The following PHETA1 variants were observed in gnomAD, a reference collection of about 807,000 sequenced individuals.
PHETA1 encodes sesquipedalian-1.
For missense variants in PHETA1, 348 were observed against 373.5 expected (o/e 0.93, Z 0.56); for synonymous variants, 155 against 168.9 (o/e 0.92, Z 0.64).
At chr12:111,364,876 C>T (rs7399251) in intron 2 of PHETA1, among the ~76,000 whole-genome samples, 43,599 of 151,864 alleles carry the variant, frequency 0.29, 7,621 homozygotes, top group East Asian at 0.81. Flanking sequence ...TGCAGTCAGC[C>T]GAGATTGCAC....
At chr12:111,365,591 G>C in intron 2 of PHETA1, 1 of 455,028 alleles carries the variant, frequency 2.2e-6, no homozygotes, top group Non-Finnish European at 4.4e-6. Context: ...CCATAAAAAG[G>C]AATGAGATCA....
Position 111,367,935 on chromosome 12 carries a change from G to A in PHETA1, c.-182+977C>T, listed in dbSNP as rs902849975. 6.6e-6 allele frequency among the ~76,000 whole-genome samples: 1 copy of A among 152,252 alleles called. No homozygotes were observed. The highest frequency in any genetic ancestry group is 2.4e-5 in the African/African-American group (1 of 41,472). ...CTCCCAAGGCAAAGTTCCTGCCTCC[G>A]CAGGTCCAGGCTGGAGGACCTTGGA... On this transcript the variant is annotated intron_variant, in intron 1 of 2. Transcript: ENST00000683047. The surrounding 1 kb of genome is among the most constrained non-coding windows in gnomAD (Gnocchi z 4.0).
Position 111,363,180 on chromosome 12 carries a change from A to T in PHETA1, c.248T>A (p.Phe83Tyr). Residue 83 changes from phenylalanine to tyrosine, a missense_variant, in exon 3 of 3, where the codon TTT becomes TAT. Coordinates refer to ENST00000683047, the MANE Select transcript of PHETA1 (RefSeq NM_144671.6). This position sits in a 1 kb window ranked among gnomAD's most constrained non-coding sequence, Gnocchi z 7.4. ...AAEEFAFAVR[F>Y]AGTRARTYVL... ...GTAGGTGCGCGCCCGGGTCCCCGCA[A>T]AGCGCACAGCGAAGGCGAACTCCTC... is the stretch of plus-strand genomic sequence containing the variant. 1.2e-6 allele frequency: 2 copies of T among 1,612,674 alleles called. No individual in the cohort carries two copies. The highest frequency in any genetic ancestry group is 1.7e-6 in the Non-Finnish European group (2 of 1,179,844).
Position 111,362,798 on chromosome 12 carries a change from G to C in PHETA1, c.630C>G (p.Arg210=), listed in dbSNP as rs1486352083. 1.3e-6 allele frequency: 2 copies of C among 1,539,018 alleles called. No homozygotes were observed. Among genetic ancestry groups the C allele is most frequent in the African/African-American group, 1.4e-5 (1 of 72,964 alleles). ...GPEPPPPPPR[R]RASAPHGPLD... ...GGGGCCCGTGGGGTGCCGAGGCCCG[G>C]CGGCGAGGCGGTGGTGGAGGGGGCT... is the stretch of plus-strand genomic sequence containing the variant. Residue 210 remains arginine, a synonymous_variant, in exon 3 of 3, where the codon CGC becomes CGG. Coordinates refer to ENST00000683047, the MANE Select transcript of PHETA1 (RefSeq NM_144671.6).
At chr12:111,364,441 G>C (rs948969023) in intron 2 of PHETA1, among the ~76,000 whole-genome samples, 1 of 152,008 alleles carries the variant, frequency 6.6e-6, no homozygotes, top group African/African-American at 2.4e-5. Flanking sequence ...AAACAGATAA[G>C]ACGTCTGCCA....
chr12:111,365,746 A>C, intron 2 of PHETA1: 1 of 249,976 alleles, frequency 4.0e-6, no homozygotes, highest in South Asian at 3.3e-5. Flanking sequence ...GGCAGAACAC[A>C]TATCGGGGCC....
In PHETA1 at chr12:111,363,327, T is replaced by C; in HGVS notation, c.101A>G (p.Tyr34Cys). 17 of 1,613,096 alleles carry C rather than the reference T, an allele frequency of 1.1e-5. No individual in the cohort carries two copies. Among genetic ancestry groups the C allele is most frequent in the Non-Finnish European group, 1.4e-5 (17 of 1,179,958 alleles). ...LYKKGGRHAAYHRRWFVLRGN... is the reference protein window; with the variant it reads ...LYKKGGRHAACHRRWFVLRGN... ...GCGCAGCACGAACCAGCGCCGGTGG[T>C]AGGCCGCGTGCCGCCCACCCTTCTT... Residue 34 changes from tyrosine to cysteine, a missense_variant, in exon 3 of 3, where the codon TAC becomes TGC. Transcript: ENST00000683047. The surrounding 1 kb of genome is among the most constrained non-coding windows in gnomAD (Gnocchi z 7.4).
chr12:111,363,448 GA>G lies in PHETA1; in HGVS notation c.-22del. 8 of 1,602,412 alleles carry G rather than the reference GA, an allele frequency of 5.0e-6. No homozygotes were observed. Among genetic ancestry groups the G allele is most frequent in the Non-Finnish European group, 6.8e-6 (8 of 1,173,146 alleles). ...TTCATGGTGGCAATCGCGGGGCCTG[GA>G]GGGGAGCCTGGGGCCTGGACCCCAT... On this transcript the variant is annotated 5_prime_UTR_variant, in exon 3 of 3. Transcript: ENST00000683047. This position sits in a 1 kb window ranked among gnomAD's most constrained non-coding sequence, Gnocchi z 7.4.
chr12:111,365,187 T>C (rs1868956833), intron 2 of PHETA1, among the ~76,000 whole-genome samples: 1 of 152,244 alleles, frequency 6.6e-6, no homozygotes, highest in African/African-American at 2.4e-5. Context: ...TTTGAGAGCC[T>C]GCCTTATCTC....
Position 111,368,743 on chromosome 12 carries a change from C to A in PHETA1, c.-182+169G>T, listed in dbSNP as rs1289793619. Reference sequence around the variant, plus strand: ...ATGGGCTGAGAGAGGGGAGGGTGGTCATTGGCCAAGTTCGCCTCGGCAGCT... The same window carrying A: ...ATGGGCTGAGAGAGGGGAGGGTGGTAATTGGCCAAGTTCGCCTCGGCAGCT... On this transcript the variant is annotated intron_variant, in intron 1 of 2. Coordinates refer to ENST00000683047, the MANE Select transcript of PHETA1 (RefSeq NM_144671.6). This position sits in a 1 kb window ranked among gnomAD's most constrained non-coding sequence, Gnocchi z 5.0. Among the ~76,000 whole-genome samples, 1 of 152,248 alleles carries A rather than the reference C, an allele frequency of 6.6e-6. No individual in the cohort carries two copies. The highest frequency in any genetic ancestry group is 1.5e-5 in the Non-Finnish European group (1 of 68,042).
At position 111,362,000 on chromosome 12, in the gene PHETA1, C is replaced by G. The variant is rs1243932213; in HGVS notation, c.*678G>C. 1 of 456,076 alleles carries G rather than the reference C, an allele frequency of 2.2e-6. No homozygotes were observed. Among genetic ancestry groups the G allele is most frequent in the South Asian group, 1.5e-5 (1 of 64,558 alleles). The allele number at this position is 456,076 out of a possible 1,614,324, so 28.3% of individuals were successfully genotyped here. A position where few individuals can be genotyped will look rare whatever the true frequency, so the allele number is the denominator to read the frequency against. On this transcript the variant is annotated 3_prime_UTR_variant, in exon 3 of 3. Transcript: ENST00000683047. ...GCCACCAGGAGCACCACCATGAGGC[C>G]TGGCAGGGGACTTTTGGCAGAGTCC...
rs1306566882 is a variant in PHETA1, at chr12:111,367,403, T to C, written c.-181-1146A>G. Among the ~76,000 whole-genome samples the C allele has an allele frequency of 6.6e-6, 1 of 152,176 alleles. No individual in the cohort carries two copies. The highest frequency in any genetic ancestry group is 1.9e-4 in the East Asian group (1 of 5,186). On this transcript the variant is annotated intron_variant, in intron 1 of 2. Coordinates refer to ENST00000683047, the MANE Select transcript of PHETA1 (RefSeq NM_144671.6). The surrounding 1 kb of genome is among the most constrained non-coding windows in gnomAD (Gnocchi z 4.0). ...AGTAGGTACTCACACAGCTGTTTGA[T>C]TCATTCTGCAGTATCTTCTGAAACC... is the stretch of plus-strand genomic sequence containing the variant.
rs1725358458 is a variant in PHETA1 at position 111,362,344 on chromosome 12, T to C, written c.*334A>G. 2 of 533,068 alleles carry C rather than the reference T, an allele frequency of 3.8e-6. No individual in the cohort carries two copies. Among genetic ancestry groups the C allele is most frequent in the Non-Finnish European group, 6.7e-6 (2 of 298,688 alleles). The allele number at this position is 533,068 out of a possible 1,614,324, so 33.0% of individuals were successfully genotyped here. A position where few individuals can be genotyped will look rare whatever the true frequency, so the allele number is the denominator to read the frequency against. On this transcript the variant is annotated 3_prime_UTR_variant, in exon 3 of 3. Coordinates refer to ENST00000683047, the MANE Select transcript of PHETA1 (RefSeq NM_144671.6). ...ACCCTCTGAGCTGCAGGCCCGGCAA[T>C]GCCTGTTGCCAGCACAGGCCTCTGC...
chr12:111,364,926 CA>C (rs796416176), intron 2 of PHETA1, among the ~76,000 whole-genome samples: 2 of 150,748 alleles, frequency 1.3e-5, no homozygotes, highest in Non-Finnish European at 3.0e-5. Context: ...GACTCCGTCT[CA>C]AAAAAAAAGA....
Position 111,367,322 on chromosome 12 carries a change from TG to T in PHETA1, c.-181-1066del, listed in dbSNP as rs1869094046. On this transcript the variant is annotated intron_variant, in intron 1 of 2. Transcript: ENST00000683047. This position sits in a 1 kb window ranked among gnomAD's most constrained non-coding sequence, Gnocchi z 4.0. ...TGTGCCTCCACCTGAAATTAATACC[TG>T]GGTCATTTCTGCCTGCAGGGGCGTT... Among the ~76,000 whole-genome samples, 2 of 152,320 alleles carry T rather than the reference TG, an allele frequency of 1.3e-5. No homozygotes were observed. The highest frequency in any genetic ancestry group is 2.9e-5 in the Non-Finnish European group (2 of 68,036).
Position 111,362,929 on chromosome 12 carries a change from C to A in PHETA1, c.499G>T (p.Ala167Ser), listed in dbSNP as rs2135503581. 6.8e-7 allele frequency: 1 copy of A among 1,470,424 alleles called. No homozygotes were observed. The highest frequency in any genetic ancestry group is 9.0e-7 in the Non-Finnish European group (1 of 1,115,556). The allele number at this position is 1,470,424 out of a possible 1,614,324, so 91.1% of individuals were successfully genotyped here. A position where few individuals can be genotyped will look rare whatever the true frequency, so the allele number is the denominator to read the frequency against. Residue 167 changes from alanine (A) to serine (S), a missense_variant, in exon 3 of 3, where the codon GCC becomes TCC. Ala to Ser is a moderately conservative substitution (Grantham distance 99). Coordinates refer to ENST00000683047, the MANE Select transcript of PHETA1 (RefSeq NM_144671.6). The part of the protein sequence containing the change: ...APVPSLPSAP[A>S]PVPALPLPRR... ...GGCAGGGGCAGGGCTGGGACCGGGG[C>A]TGGGGCAGAAGGCAGGGATGGGACT...
Position 111,363,040 on chromosome 12 carries a change from C to T in PHETA1, c.388G>A (p.Val130Ile), listed in dbSNP as rs775547244. The change falls in exon 3 of 3, where the codon GTA becomes ATA. Residue 130 changes from valine (V) to isoleucine (I), a missense_variant. Val to Ile is a conservative substitution (Grantham distance 29, BLOSUM62 3). Transcript: ENST00000683047. This position sits in a 1 kb window ranked among gnomAD's most constrained non-coding sequence, Gnocchi z 7.4. ...AGGGCCATGCCACCCCCGCCACGTA[C>T]AGCCGCCAGCTGCTGCTCCAGCTCG... The part of the protein sequence containing the change: ...VRELEQQLAA[V>I]RGGGGMALPQ... 6 of 1,551,836 alleles carry T rather than the reference C, an allele frequency of 3.9e-6. No homozygotes were observed. The highest frequency in any genetic ancestry group is 4.3e-6 in the Non-Finnish European group (5 of 1,155,176).
Position 111,366,255 on chromosome 12 carries a change from C to G in PHETA1, c.-179G>C, listed in dbSNP as rs1044123709. ...TCATCTCTCTGGGCCTCTGTTTCTGCATCTGTAAAATGGGATCGTAACAGT... is the reference window on the plus strand; with the variant it reads ...TCATCTCTCTGGGCCTCTGTTTCTGGATCTGTAAAATGGGATCGTAACAGT... On this transcript the variant is annotated splice_region_variant and 5_prime_UTR_variant, in exon 2 of 3. It removes an upstream start codon present in the reference 5' UTR. Transcript: ENST00000683047. 6.4e-6 allele frequency: 1 copy of G among 155,064 alleles called. No homozygotes were observed. The highest frequency in any genetic ancestry group is 1.5e-5 in the Non-Finnish European group (1 of 68,740). The allele number at this position is 155,064 out of a possible 1,614,324, so 9.6% of individuals were successfully genotyped here.
At position 111,360,895 on chromosome 12, in the gene PHETA1, C is replaced by G. The variant is rs1475769141; in HGVS notation, c.*1783G>C. ...TAACACCCCAGCCCACCAGCTGAGT[C>G]TGCCAGGACACGGGGCTCTGGGAAG... On this transcript the variant is annotated 3_prime_UTR_variant, in exon 3 of 3. Transcript: ENST00000683047. 1 of 152,762 alleles carries G rather than the reference C, an allele frequency of 6.5e-6. No individual in the cohort carries two copies. Among genetic ancestry groups the G allele is most frequent in the Admixed American group, 6.5e-5 (1 of 15,282 alleles). The allele number at this position is 152,762 out of a possible 1,614,324, so 9.5% of individuals were successfully genotyped here. A position where few individuals can be genotyped will look rare whatever the true frequency, so the allele number is the denominator to read the frequency against.
Sources: allele counts gnomAD v4.1 joint callset (sites outside exome capture counted in the v4.1 genomes callset), GRCh38; gene constraint gnomAD v4.1.1; non-coding constraint Gnocchi (gnomAD v3.1); transcripts MANE v1.5; gene names NCBI Gene and HGNC (gene_info 2026-07-23, HGNC 2026-07-21).